The following CSMD1 variants were observed in gnomAD, a reference collection of about 807,000 sequenced individuals.
The protein encoded by CSMD1 is CUB and Sushi multiple domains 1, also known as CUB and sushi domain-containing protein 1.
Under a neutral mutation model 417.5 loss-of-function variants are expected in CSMD1, and 213 were observed. The ratio of observed to expected loss-of-function variants is 0.51; its 90% CI spans 0.46 to 0.57. CSMD1 has a LOEUF of 0.57. Among genes scored for constraint, CSMD1 ranks in the 20% least tolerant of loss-of-function variants. The pLI, the probability that CSMD1 is intolerant of heterozygous loss-of-function variation, is 0.00. For synonymous variants in CSMD1, 2,862 were observed against 1,736.8 expected (o/e 1.65, Z -16.11); for missense variants, 6,923 against 4,529.7 (o/e 1.53, Z -15.17).
In CSMD1 at chr8:4,530,072, G is replaced by A. The variant is rs553107079; in HGVS notation, c.302+107270C>T. Among the ~76,000 whole-genome samples, 26 of 151,488 alleles carry A rather than the reference G, an allele frequency of 1.7e-4. No individual in the cohort carries two copies. The East Asian group carries it at 4.5e-3, about 26-fold the overall frequency. On this transcript the variant is annotated intron_variant, in intron 2 of 69. Transcript: ENST00000635120. The stretch of plus-strand genomic sequence containing the variant: ...TGGGACTACAGGTGCCCGCCACCAC[G>A]CCCGACTAGTTTTTTGTATTTTAGT...
chr8:3,209,673 G>C (rs1366452676), intron 30 of CSMD1, among the ~76,000 whole-genome samples: 3 of 152,224 alleles, frequency 2.0e-5, no homozygotes, highest in South Asian at 2.1e-4. Flanking sequence ...TAAGAAACAG[G>C]CCTGGTGCTT....
At chr8:3,712,392 GAGAGAGAGAC>G (rs1209680298) in intron 6 of CSMD1, among the ~76,000 whole-genome samples, 1 of 47,490 alleles carries the variant, frequency 2.1e-5, no homozygotes, top group South Asian at 1.1e-3. Flanking sequence ...GAGAGAGAGA[GAGAGAGAGAC>G]AGACAGACAG....
At chr8:3,809,610 T>G (rs1395668216) in intron 5 of CSMD1, among the ~76,000 whole-genome samples, 1 of 152,024 alleles carries the variant, frequency 6.6e-6, no homozygotes, top group Non-Finnish European at 1.5e-5. Flanking sequence ...GCAGAGTGTC[T>G]AATTCAGTCT....
At chr8:4,626,990 A>C (rs1420480028) in intron 2 of CSMD1, among the ~76,000 whole-genome samples, 2 of 152,186 alleles carry the variant, frequency 1.3e-5, no homozygotes, top group Non-Finnish European at 2.9e-5. Context: ...TTATTGTGGT[A>C]AAGCAAGTAA....
intron 3 of CSMD1, among the ~76,000 whole-genome samples, chr8:4,213,002 G>C (rs1383574960): frequency 6.6e-6 from 1 of 152,010 alleles, no homozygotes; most frequent in Non-Finnish European, 1.5e-5. Flanking sequence ...TTGCCTCTCA[G>C]TCTTTGTTTT....
At chr8:3,334,107 C>G (rs1359061644) in intron 23 of CSMD1, among the ~76,000 whole-genome samples, 1 of 152,176 alleles carries the variant, frequency 6.6e-6, no homozygotes, top group Non-Finnish European at 1.5e-5. Context: ...CACAGAGTGT[C>G]TACTGATGTG....
chr8:3,607,704 A>G (rs1801687673), intron 8 of CSMD1, among the ~76,000 whole-genome samples: 1 of 152,190 alleles, frequency 6.6e-6, no homozygotes, highest in Non-Finnish European at 1.5e-5. Context: ...AGAACAAAAA[A>G]TTTTACGGAG....
chr8:3,259,615 C>T (rs1800909127), intron 26 of CSMD1, among the ~76,000 whole-genome samples: 1 of 152,158 alleles, frequency 6.6e-6, no homozygotes, highest in African/African-American at 2.4e-5. Context: ...TTTGACATGA[C>T]AAATTCCTCC....
intron 3 of CSMD1, among the ~76,000 whole-genome samples, chr8:4,159,982 G>C (rs546688797): frequency 6.6e-6 from 1 of 152,040 alleles, no homozygotes; most frequent in East Asian, 1.9e-4. Context: ...TACCAATTGG[G>C]TTCAATGTAT....
intron 1 of CSMD1, among the ~76,000 whole-genome samples, chr8:4,727,884 G>A (rs1809563442): frequency 6.9e-6 from 1 of 144,732 alleles, no homozygotes; most frequent in South Asian, 2.2e-4. Context: ...TCACCAATAT[G>A]TACCCACCTA....
At chr8:3,431,628 A>G (rs187733040) in intron 12 of CSMD1, among the ~76,000 whole-genome samples, 31 of 152,198 alleles carry the variant, frequency 2.0e-4, no homozygotes, top group Middle Eastern at 3.4e-3. Flanking sequence ...ACCAATAAAC[A>G]ACTGACAAAA....
intron 19 of CSMD1, among the ~76,000 whole-genome samples, chr8:3,367,691 TATG>T (rs1474256802): frequency 1.3e-5 from 2 of 152,160 alleles, no homozygotes; most frequent in Admixed American, 6.5e-5. Context: ...TAAGTACAGA[TATG>T]ATGTAAATAT....
chr8:4,393,328 T>A (rs955714371), intron 3 of CSMD1, among the ~76,000 whole-genome samples: 8 of 152,114 alleles, frequency 5.3e-5, no homozygotes, highest in African/African-American at 9.7e-5. Flanking sequence ...TATCACAAAG[T>A]TGAGGCAGCA....
chr8:3,952,473 G>C (rs1027777498), intron 5 of CSMD1, among the ~76,000 whole-genome samples: 2 of 152,114 alleles, frequency 1.3e-5, no homozygotes, highest in African/African-American at 2.4e-5. Flanking sequence ...CTTTAACTCA[G>C]TTTTACTTTC....
In CSMD1 at chr8:4,200,789, C is replaced by T. The variant is rs1003117754; in HGVS notation, c.416-168690G>A. ...AGATGGGAGGATTTGTTAATGGAGA[C>T]GGAGGCTTCAGTGAACTATTGTTAG... On this transcript the variant is annotated intron_variant, in intron 3 of 69. Coordinates refer to ENST00000635120, the MANE Select transcript of CSMD1 (RefSeq NM_033225.6). 7.2e-5 allele frequency among the ~76,000 whole-genome samples: 11 copies of T among 152,260 alleles called. No homozygotes were observed. In the East Asian group the frequency reaches 9.7e-4, roughly 13 times the overall value.
At chr8:4,473,206 T>C (rs1800628291) in intron 2 of CSMD1, among the ~76,000 whole-genome samples, 1 of 152,224 alleles carries the variant, frequency 6.6e-6, no homozygotes, top group Non-Finnish European at 1.5e-5. Flanking sequence ...ATTTCAATTA[T>C]AAATGATTAA....
intron 3 of CSMD1, among the ~76,000 whole-genome samples, chr8:4,110,690 C>T (rs1308104818): frequency 3.3e-5 from 5 of 151,906 alleles, no homozygotes; most frequent in Non-Finnish European, 7.4e-5. Context: ...AAATGTTTTG[C>T]TGCTTATAAT....
At chr8:4,493,533 G>A (rs1007381994) in intron 2 of CSMD1, among the ~76,000 whole-genome samples, 3 of 151,860 alleles carry the variant, frequency 2.0e-5, no homozygotes, top group Admixed American at 6.6e-5. Context: ...CCATCTCTAC[G>A]AAAACATTTT....
chr8:4,399,487 C>T (rs185179059), intron 3 of CSMD1, among the ~76,000 whole-genome samples: 2 of 152,252 alleles, frequency 1.3e-5, no homozygotes, highest in African/African-American at 4.8e-5. Context: ...CATGTTCACG[C>T]TTAAGTTCAA....
Sources: gnomAD v4.1 joint callset for allele counts (sites outside exome capture counted in the v4.1 genomes callset) on GRCh38, gnomAD v4.1.1 for gene constraint, MANE v1.5 for transcripts, NCBI Gene and HGNC (gene_info 2026-07-23, HGNC 2026-07-21) for gene names.